The following CHMP4B variants were observed in gnomAD, a reference collection of about 807,000 sequenced individuals.
CHMP4B encodes SNF7 homolog associated with Alix 1.
In CHMP4B, 1 loss-of-function variant was observed where a neutral mutation model predicts 25.1. The observed-to-expected ratio is 0.04, with a 90% CI of 0.01 to 0.19. The LOEUF (loss-of-function observed/expected upper bound fraction) is 0.19. Ranked by LOEUF, CHMP4B falls within the 10% of genes least tolerant of loss-of-function variation. The probability of loss-of-function intolerance (pLI) is 1.00; values close to 1 mark genes in which losing one functional copy is unlikely to be tolerated. For synonymous variants in CHMP4B, 101 were observed against 115.6 expected (o/e 0.87, Z 0.81); for missense variants, 151 against 289.7 (o/e 0.52, Z 3.48).
At chr20:33,847,960 T>C (rs1285882643) in intron 1 of CHMP4B, among the ~76,000 whole-genome samples, 1 of 152,186 alleles carries the variant, frequency 6.6e-6, no homozygotes, top group East Asian at 1.9e-4. Flanking sequence ...AGTCATTATA[T>C]TTATGATTTC....
intron 1 of CHMP4B, among the ~76,000 whole-genome samples, chr20:33,829,188 C>T (rs1002837073): frequency 3.3e-5 from 5 of 152,180 alleles, no homozygotes; most frequent in Non-Finnish European, 7.4e-5. Context: ...CTGCTTCTTG[C>T]TGGGAGAGAG....
intron 1 of CHMP4B, among the ~76,000 whole-genome samples, chr20:33,835,042 C>G (rs576093054): frequency 2.0e-5 from 3 of 152,116 alleles, no homozygotes; most frequent in South Asian, 2.1e-4. Context: ...GGGATCCGCC[C>G]GCCTCGGCCT....
chr20:33,851,147 A>T, intron 3 of CHMP4B, 81 bp downstream of exon 3: 1 of 902,332 alleles, frequency 1.1e-6, no homozygotes, highest in Non-Finnish European at 1.9e-6. Context: ...GAAGGCTCTC[A>T]GGCAGGGAGC....
At chr20:33,833,759 A>G (rs1979317337) in intron 1 of CHMP4B, among the ~76,000 whole-genome samples, 3 of 152,086 alleles carry the variant, frequency 2.0e-5, no homozygotes, top group Admixed American at 6.5e-5. Flanking sequence ...ACCATCCTTT[A>G]AAATGCATGA....
chr20:33,827,811 C>G (rs1270706355), intron 1 of CHMP4B, among the ~76,000 whole-genome samples: 1 of 152,196 alleles, frequency 6.6e-6, no homozygotes, highest in Non-Finnish European at 1.5e-5. Flanking sequence ...CCTCACTGAC[C>G]CGCCTTTGGG....
chr20:33,811,705 C>G (rs1292395250), intron 1 of CHMP4B, 47 bp downstream of exon 1: 1 of 1,582,422 alleles, frequency 6.3e-7, no homozygotes, highest in Non-Finnish European at 8.6e-7. Flanking sequence ...TCCCCCCAGG[C>G]TCCCCGGGCC....
chr20:33,839,099 A>G (rs1979465917), intron 1 of CHMP4B, among the ~76,000 whole-genome samples: 1 of 152,172 alleles, frequency 6.6e-6, no homozygotes, highest in Non-Finnish European at 1.5e-5. Flanking sequence ...TTAGGGTTCT[A>G]GCAATTCCAG....
At chr20:33,834,791 T>C (rs6087532) in intron 1 of CHMP4B, among the ~76,000 whole-genome samples, 23,079 of 152,204 alleles carry the variant, frequency 0.15, 2,043 homozygotes, top group East Asian at 0.32. Context: ...TCGTGATTCC[T>C]ATTTATTTTA....
At chr20:33,827,952 A>T (rs775293983) in intron 1 of CHMP4B, among the ~76,000 whole-genome samples, 1 of 152,198 alleles carries the variant, frequency 6.6e-6, no homozygotes, top group Non-Finnish European at 1.5e-5. Flanking sequence ...GAGAAAATCA[A>T]TGGTCCTGGT....
At chr20:33,823,011 A>T (rs900545552) in intron 1 of CHMP4B, among the ~76,000 whole-genome samples, 1 of 151,470 alleles carries the variant, frequency 6.6e-6, no homozygotes, top group Non-Finnish European at 1.5e-5. Flanking sequence ...GATGGTCTCA[A>T]TCTCCTGACC....
intron 1 of CHMP4B, among the ~76,000 whole-genome samples, chr20:33,817,389 G>A (rs1209251730): frequency 6.6e-6 from 1 of 152,222 alleles, no homozygotes; most frequent in Non-Finnish European, 1.5e-5. Context: ...TTAATTGCCT[G>A]CCAGAGTAGG....
chr20:33,816,464 A>G (rs371804500), intron 1 of CHMP4B, among the ~76,000 whole-genome samples: 181 of 152,330 alleles, frequency 1.2e-3, no homozygotes, highest in African/African-American at 4.1e-3. Flanking sequence ...AGAACTGGAT[A>G]GAAACCAAGA....
intron 1 of CHMP4B, among the ~76,000 whole-genome samples, chr20:33,846,303 C>T (rs902717997): frequency 1.3e-5 from 2 of 152,146 alleles, no homozygotes; most frequent in Non-Finnish European, 2.9e-5. Flanking sequence ...TATTTTGAGG[C>T]CCTTATGAAG....
intron 1 of CHMP4B, among the ~76,000 whole-genome samples, chr20:33,826,977 T>C (rs536659234): frequency 4.6e-5 from 7 of 152,300 alleles, no homozygotes; most frequent in African/African-American, 1.7e-4. Flanking sequence ...TAGTTATTCT[T>C]TTTGGTTGAT....
At chr20:33,847,991 A>T (rs760228294) in intron 1 of CHMP4B, among the ~76,000 whole-genome samples, 6 of 152,188 alleles carry the variant, frequency 3.9e-5, no homozygotes, top group Admixed American at 6.5e-5. Flanking sequence ...GTGGCATAAA[A>T]TAGTACTTTG....
intron 1 of CHMP4B, among the ~76,000 whole-genome samples, chr20:33,834,839 G>A (rs903131189): frequency 1.3e-4 from 20 of 151,992 alleles, no homozygotes; most frequent in Admixed American, 4.6e-4. Context: ...TCACTCTGTC[G>A]CCCAACCTGG....
chr20:33,845,002 A>T (rs1260472682), intron 1 of CHMP4B, among the ~76,000 whole-genome samples: 1 of 151,628 alleles, frequency 6.6e-6, no homozygotes, highest in East Asian at 1.9e-4. Context: ...TTTGTAATCC[A>T]CCCGCCTTGG....
At chr20:33,830,226 A>G (rs1247439406) in intron 1 of CHMP4B, among the ~76,000 whole-genome samples, 1 of 152,184 alleles carries the variant, frequency 6.6e-6, no homozygotes, top group Non-Finnish European at 1.5e-5. Context: ...GGAGCCAGGA[A>G]AAGCAAGGCG....
rs182894196 is a variant in CHMP4B at position 33,840,368 on chromosome 20, C to T, written c.191-8099C>T. Among the ~76,000 whole-genome samples, 515 of 152,250 alleles carry T rather than the reference C, an allele frequency of 3.4e-3. 4 individuals carry two copies. The highest frequency in any genetic ancestry group is 6.8e-3 in the South Asian group (33 of 4,820). Reference sequence around the variant, plus strand: ...AACAGGCAAGACGGAGGAGAGAATGCTCATATTCATCAAGTGTTTGCATAG... The same window carrying T: ...AACAGGCAAGACGGAGGAGAGAATGTTCATATTCATCAAGTGTTTGCATAG... On this transcript the variant is annotated intron_variant, in intron 1 of 4. Coordinates refer to ENST00000217402, the MANE Select transcript of CHMP4B (RefSeq NM_176812.5).
Sources: gnomAD v4.1 joint callset for allele counts (sites outside exome capture counted in the v4.1 genomes callset) on GRCh38, gnomAD v4.1.1 for gene constraint, MANE v1.5 for transcripts, NCBI Gene and HGNC (gene_info 2026-07-23, HGNC 2026-07-21) for gene names.